Variants in FHOD3 observed in about 807,000 individuals in gnomAD.
FHOD3 encodes the protein FH1/FH2 domain-containing protein 3.
In FHOD3, 90 loss-of-function variants were observed where a neutral mutation model predicts 173.0. The ratio of observed to expected loss-of-function variants is 0.52; its 90% confidence interval spans 0.44 to 0.62. FHOD3 has a LOEUF of 0.62. Among genes scored for constraint, FHOD3 ranks in the 20% least tolerant of loss-of-function variants. FHOD3 has a pLI of 0.00. For synonymous variants in FHOD3, 828 were observed against 823.0 expected (o/e 1.01, Z -0.10); for missense variants, 1,945 against 2,034.7 (o/e 0.96, Z 0.85).
chr18:36,623,338 A>G (rs185233032), intron 9 of FHOD3, among the ~76,000 whole-genome samples: 2 of 152,364 alleles, frequency 1.3e-5, no homozygotes, highest in South Asian at 2.1e-4. Context: ...TGTGTGCTTA[A>G]TAAGAAGCAG....
intron 4 of FHOD3, among the ~76,000 whole-genome samples, chr18:36,502,552 T>C (rs576587720): frequency 3.9e-5 from 6 of 152,344 alleles, no homozygotes; most frequent in East Asian, 1.9e-4. Context: ...GCTTCATCCA[T>C]GTCCCTGCAA....
intron 20 of FHOD3, among the ~76,000 whole-genome samples, chr18:36,733,103 C>T (rs2041454638): frequency 6.6e-6 from 1 of 152,150 alleles, no homozygotes; most frequent in South Asian, 2.1e-4. Flanking sequence ...GGTCTTAGGA[C>T]CACATGAGTA....
At chr18:36,312,554 A>G (rs1432607334) in intron 1 of FHOD3, among the ~76,000 whole-genome samples, 4 of 152,186 alleles carry the variant, frequency 2.6e-5, no homozygotes. Flanking sequence ...ATTGCCAGCC[A>G]GTTGCCCAAA....
At chr18:36,409,479 C>CT (rs1478865224) in intron 3 of FHOD3, among the ~76,000 whole-genome samples, 1 of 152,134 alleles carries the variant, frequency 6.6e-6, no homozygotes, top group Non-Finnish European at 1.5e-5. Flanking sequence ...TCTCCCTGGT[C>CT]TGGGAGCCCA....
intron 4 of FHOD3, among the ~76,000 whole-genome samples, chr18:36,506,130 AAAT>A (rs2055285239): frequency 6.6e-6 from 1 of 152,186 alleles, no homozygotes; most frequent in Non-Finnish European, 1.5e-5. Flanking sequence ...TTCTCATAAA[AAAT>A]AATGATTATG....
Position 36,625,660 on chromosome 18 carries a change from C to T in FHOD3, c.1107C>T (p.Ser369=). 6.2e-7 allele frequency: 1 copy of T among 1,612,512 alleles called. No homozygotes were observed. Among genetic ancestry groups the T allele is most frequent in the Non-Finnish European group, 8.5e-7 (1 of 1,179,128 alleles). ...GGAGCCGCAGGCACTCGGTGCAGAG[C>T]ATCAAGAGCACCCTGTCGGCCCCCA... ...RRRSRRHSVQ[S]IKSTLSAPTS... is the part of the protein sequence containing the mutation. Residue 369 remains serine, a synonymous_variant, in exon 10 of 29, where the codon AGC becomes AGT. Coordinates refer to ENST00000590592, the MANE Select transcript of FHOD3 (RefSeq NM_001281740.3).
chr18:36,658,262 AG>A (rs2036555983), intron 14 of FHOD3, 74 bp downstream of exon 14: 1 of 988,414 alleles, frequency 1.0e-6, no homozygotes, highest in African/African-American at 1.7e-5. Context: ...GTGTGGTTAA[AG>A]GAAAAATATA....
chr18:36,676,249 A>G (rs1279596805), intron 14 of FHOD3, among the ~76,000 whole-genome samples: 3 of 152,172 alleles, frequency 2.0e-5, no homozygotes, highest in Non-Finnish European at 4.4e-5. Context: ...TAGATTTGCC[A>G]TACATGTATT....
Position 36,780,067 on chromosome 18 carries a change from C to T in FHOD3, c.*537C>T. Reference sequence around the variant, plus strand: ...TAGAGTTTAATGCCATAATGAGAAACTTTTATTCTTCTGGGAACAGGACCT... The same window carrying T: ...TAGAGTTTAATGCCATAATGAGAAATTTTTATTCTTCTGGGAACAGGACCT... On this transcript the variant is annotated 3_prime_UTR_variant, in exon 29 of 29. Transcript: ENST00000590592. 9.2e-7 allele frequency: 1 copy of T among 1,090,432 alleles called. No homozygotes were observed. The highest frequency in any genetic ancestry group is 1.2e-6 in the Non-Finnish European group (1 of 858,520). The allele number at this position is 1,090,432 out of a possible 1,614,324, so 67.5% of individuals were successfully genotyped here.
chr18:36,719,690 T>C (rs1478854871), intron 19 of FHOD3, among the ~76,000 whole-genome samples: 1 of 152,184 alleles, frequency 6.6e-6, no homozygotes, highest in African/African-American at 2.4e-5. Context: ...TCTTTTTGGG[T>C]GAGTATGAAA....
At chr18:36,601,991 C>A (rs1418675288) in intron 7 of FHOD3, among the ~76,000 whole-genome samples, 1 of 152,206 alleles carries the variant, frequency 6.6e-6, no homozygotes, top group African/African-American at 2.4e-5. Context: ...CTGCAGTCAT[C>A]CCTGCTGCAA....
chr18:36,414,892 G>A (rs894442999), intron 3 of FHOD3, among the ~76,000 whole-genome samples: 3 of 152,204 alleles, frequency 2.0e-5, no homozygotes, highest in African/African-American at 7.2e-5. Flanking sequence ...CTGCAGGGCT[G>A]TCTGACTTCT....
intron 4 of FHOD3, among the ~76,000 whole-genome samples, chr18:36,508,500 A>G (rs992999970): frequency 5.9e-5 from 9 of 152,210 alleles, no homozygotes; most frequent in South Asian, 2.1e-4. Context: ...AAAAGAACTC[A>G]GAAGCAAGTT....
chr18:36,523,491 C>A (rs146693402), intron 5 of FHOD3, among the ~76,000 whole-genome samples: 1 of 152,166 alleles, frequency 6.6e-6, no homozygotes, highest in Non-Finnish European at 1.5e-5. Context: ...CAGGAAAGAG[C>A]GCCACAGCTG....
intron 3 of FHOD3, among the ~76,000 whole-genome samples, chr18:36,443,471 T>C (rs1254781402): frequency 1.3e-5 from 2 of 152,238 alleles, no homozygotes; most frequent in African/African-American, 4.8e-5. Context: ...GGTAGATCTT[T>C]AAAGTTGATT....
At chr18:36,715,708 G>A (rs532955943) in intron 18 of FHOD3, among the ~76,000 whole-genome samples, 2 of 94,926 alleles carry the variant, frequency 2.1e-5, no homozygotes, top group African/African-American at 5.7e-5. Context: ...TAAGTAAAAC[G>A]TGACAGATTT....
At chr18:36,299,814 C>G (rs925999275) in intron 1 of FHOD3, among the ~76,000 whole-genome samples, 2 of 152,170 alleles carry the variant, frequency 1.3e-5, no homozygotes, top group Non-Finnish European at 2.9e-5. Flanking sequence ...GGCCAGCCAG[C>G]CTCAGTCTCA....
intron 14 of FHOD3, among the ~76,000 whole-genome samples, chr18:36,670,179 G>T (rs914047068): frequency 5.3e-5 from 8 of 151,828 alleles, no homozygotes; most frequent in Non-Finnish European, 1.0e-4. Context: ...TCTGTCATTG[G>T]TTTTTAGCAG....
chr18:36,390,502 T>G (rs775229116), intron 3 of FHOD3, among the ~76,000 whole-genome samples: 7 of 152,214 alleles, frequency 4.6e-5, no homozygotes, highest in Non-Finnish European at 8.8e-5. Context: ...TGCTCTGGCA[T>G]GCACCCTGTC....
Sources: allele counts gnomAD v4.1 joint callset (sites outside exome capture counted in the v4.1 genomes callset), GRCh38; gene constraint gnomAD v4.1.1; transcripts MANE v1.5; gene names NCBI Gene and HGNC (gene_info 2026-07-23, HGNC 2026-07-21).